Variants in PDZRN3 observed in about 807,000 individuals in gnomAD.
PDZRN3 encodes E3 ubiquitin-protein ligase PDZRN3.
In PDZRN3, 38 loss-of-function variants were observed where a neutral mutation model predicts 85.7. The ratio of observed to expected loss-of-function variants is 0.44; its 90% CI spans 0.34 to 0.58. PDZRN3 has a LOEUF of 0.58. Among genes scored for constraint, PDZRN3 ranks in the 20% least tolerant of loss-of-function variants. The pLI is 0.01. For missense variants in PDZRN3, 1,629 were observed against 1,506.4 expected, an observed-to-expected ratio of 1.08 and a Z score of -1.35; for synonymous variants, 759 against 638.0, an observed-to-expected ratio of 1.19 and a Z score of -2.86.
chr3:73,531,591 CTCAA>C (rs1052621892), intron 3 of PDZRN3, among the ~76,000 whole-genome samples: 8 of 152,186 alleles, frequency 5.3e-5, no homozygotes, highest in African/African-American at 1.7e-4. Context: ...AAGCTGCATT[CTCAA>C]TCAAAGAGAC....
At chr3:73,552,025 C>A (rs1447045435) in intron 3 of PDZRN3, among the ~76,000 whole-genome samples, 1 of 152,166 alleles carries the variant, frequency 6.6e-6, no homozygotes, top group Non-Finnish European at 1.5e-5. Flanking sequence ...CTTCCATCCC[C>A]CTTCACTGCC....
At chr3:73,538,727 G>C (rs1019232746) in intron 3 of PDZRN3, among the ~76,000 whole-genome samples, 2 of 152,122 alleles carry the variant, frequency 1.3e-5, no homozygotes, top group African/African-American at 4.8e-5. Flanking sequence ...CTCCTGCATA[G>C]AACATTTGAT....
intron 1 of PDZRN3, among the ~76,000 whole-genome samples, chr3:73,619,954 G>A (rs938077451): frequency 1.3e-5 from 2 of 152,222 alleles, no homozygotes; most frequent in African/African-American, 4.8e-5. Context: ...CTCAAGGGAC[G>A]TTTGGCAATG....
chr3:73,440,958 G>C (rs988551176), intron 3 of PDZRN3, among the ~76,000 whole-genome samples: 1 of 152,168 alleles, frequency 6.6e-6, no homozygotes, highest in Non-Finnish European at 1.5e-5. Flanking sequence ...CTAAACCAAA[G>C]GAACAGTCAC....
intron 3 of PDZRN3, among the ~76,000 whole-genome samples, chr3:73,529,132 T>C (rs1405974271): frequency 1.3e-5 from 2 of 152,140 alleles, no homozygotes; most frequent in Non-Finnish European, 2.9e-5. Flanking sequence ...AAATAAAAAG[T>C]AAGCACCTCT....
chr3:73,565,719 C>A (rs540044289), intron 3 of PDZRN3, among the ~76,000 whole-genome samples: 8 of 151,730 alleles, frequency 5.3e-5, no homozygotes, highest in African/African-American at 7.3e-5. Flanking sequence ...GGGTGGATCA[C>A]CTGAGGTCAG....
At chr3:73,443,022 A>G (rs1328731792) in intron 3 of PDZRN3, among the ~76,000 whole-genome samples, 1 of 152,102 alleles carries the variant, frequency 6.6e-6, no homozygotes, top group Non-Finnish European at 1.5e-5. Flanking sequence ...TGTGTCTCCT[A>G]TGAGCTCACT....
chr3:73,467,556 T>C (rs1157871609), intron 3 of PDZRN3, among the ~76,000 whole-genome samples: 1 of 152,166 alleles, frequency 6.6e-6, no homozygotes, highest in Non-Finnish European at 1.5e-5. Context: ...GCAAGAGGGT[T>C]TGGCTTTATC....
At chr3:73,535,647 G>A (rs1429316114) in intron 3 of PDZRN3, among the ~76,000 whole-genome samples, 9 of 152,224 alleles carry the variant, frequency 5.9e-5, no homozygotes, top group Non-Finnish European at 2.9e-5. Context: ...CACATGGACT[G>A]ACTACAGAGT....
At chr3:73,609,522 C>T (rs1393988234) in intron 1 of PDZRN3, among the ~76,000 whole-genome samples, 4 of 152,170 alleles carry the variant, frequency 2.6e-5, no homozygotes, top group Non-Finnish European at 5.9e-5. Context: ...ACATTCAACT[C>T]GCTGATACAC....
rs865892407 is a variant in PDZRN3 at position 73,503,144 on chromosome 3, T to C, written c.919-98749A>G. On this transcript the variant is annotated intron_variant, in intron 3 of 9. Coordinates refer to ENST00000263666, the MANE Select transcript of PDZRN3 (RefSeq NM_015009.3). The stretch of plus-strand genomic sequence containing the variant: ...AACATTTTACTAACATAAAATGTCA[T>C]GAAGTACTTTGGTAACCCAGTCCAT... Among the ~76,000 whole-genome samples, 4 of 152,254 alleles carry C rather than the reference T, an allele frequency of 2.6e-5. No homozygotes were observed. The South Asian group carries it at 8.3e-4, about 31-fold the overall frequency.
At chr3:73,424,681 AAC>A (rs1208100226) in intron 3 of PDZRN3, among the ~76,000 whole-genome samples, 1 of 151,874 alleles carries the variant, frequency 6.6e-6, no homozygotes, top group East Asian at 1.9e-4. Flanking sequence ...GGAAAAATCC[AAC>A]AGAGAAGAGG....
At chr3:73,508,654 CT>C (rs1704110784) in intron 3 of PDZRN3, among the ~76,000 whole-genome samples, 1 of 152,146 alleles carries the variant, frequency 6.6e-6, no homozygotes, top group Non-Finnish European at 1.5e-5. Flanking sequence ...AGGGTATTAG[CT>C]CCCAGGTAAA....
chr3:73,610,369 C>T (rs1312561738), intron 1 of PDZRN3, among the ~76,000 whole-genome samples: 1 of 152,170 alleles, frequency 6.6e-6, no homozygotes, highest in Non-Finnish European at 1.5e-5. Flanking sequence ...TTCTGACAAA[C>T]AGCACCACCA....
rs532373361 is a variant in PDZRN3, at chr3:73,540,256, TA to T, written c.918+62097del. 2.6e-4 allele frequency among the ~76,000 whole-genome samples: 39 copies of T among 151,146 alleles called. 1 individual carries two copies. Among genetic ancestry groups the T allele is most frequent in the Middle Eastern group, 3.4e-3 (1 of 292 alleles). ...ATCTGTGACCCTAAATATATATAGC[TA>T]AAAAAAAATGTTATGAATGGGTATT... On this transcript the variant is annotated intron_variant, in intron 3 of 9. Transcript: ENST00000263666.
chr3:73,520,845 T>C (rs1704347915), intron 3 of PDZRN3, among the ~76,000 whole-genome samples: 1 of 152,082 alleles, frequency 6.6e-6, no homozygotes, highest in Non-Finnish European at 1.5e-5. Context: ...GCAATACTGA[T>C]TCAAAAGCCA....
In PDZRN3 at chr3:73,597,554, A is replaced by G. The variant is rs150827755; in HGVS notation, c.918+4800T>C. ...AGCAGAACAGCGTTTAACCCACGCAATCACTACACAGACTCATTTATCACC... is the reference window on the plus strand; with the variant it reads ...AGCAGAACAGCGTTTAACCCACGCAGTCACTACACAGACTCATTTATCACC... On this transcript the variant is annotated intron_variant, in intron 3 of 9. Transcript: ENST00000263666. Among the ~76,000 whole-genome samples, 766 of 152,266 alleles carry G rather than the reference A, an allele frequency of 5.0e-3. 5 individuals carry two copies. Among genetic ancestry groups the G allele is most frequent in the Non-Finnish European group, 7.5e-3 (511 of 68,024 alleles).
chr3:73,452,839 C>CTGTGTGTGTGTGTGTGTGTGTGTGTGTG (rs35308043), intron 3 of PDZRN3, among the ~76,000 whole-genome samples: 32 of 140,716 alleles, frequency 2.3e-4, no homozygotes, highest in African/African-American at 7.0e-4. Flanking sequence ...GTCCATATAT[C>CTGTGTGTGTGTGTGTGTGTGTGTGTGTG]TGTGTGTGTG....
intron 3 of PDZRN3, among the ~76,000 whole-genome samples, chr3:73,563,866 C>T (rs1321746735): frequency 6.6e-6 from 1 of 152,130 alleles, no homozygotes; most frequent in Non-Finnish European, 1.5e-5. Context: ...ACATAAATAG[C>T]GAGAAGATGC....
Sources: allele counts gnomAD v4.1 joint callset (sites outside exome capture counted in the v4.1 genomes callset), GRCh38; gene constraint gnomAD v4.1.1; transcripts MANE v1.5; gene names NCBI Gene and HGNC (gene_info 2026-07-23, HGNC 2026-07-21).